The following TNRC6C variants were observed in gnomAD, a reference collection of about 807,000 sequenced individuals.
TNRC6C encodes the protein trinucleotide repeat containing adaptor 6C, also known as trinucleotide repeat-containing gene 6C protein.
TNRC6C carries 20 observed loss-of-function variants against 153.7 expected under a neutral mutation model. The observed-to-expected ratio is 0.13, with a 90% CI of 0.09 to 0.19. The LOEUF (loss-of-function observed/expected upper bound fraction) is 0.19. Among genes scored for constraint, TNRC6C ranks in the 10% least tolerant of loss-of-function variants. The pLI is 1.00. For missense variants in TNRC6C, 1,987 were observed against 2,172.0 expected (o/e 0.91, Z 1.69); for synonymous variants, 811 against 841.4 (o/e 0.96, Z 0.63).
At position 78,051,338 on chromosome 17, in the gene TNRC6C, A is replaced by C. The variant is rs572145233; in HGVS notation, c.2276A>C (p.Asn759Thr). The C allele has an allele frequency of 2.6e-6, 4 of 1,551,524 alleles. No individual in the cohort carries two copies. The East Asian group carries it at 7.3e-5, about 28-fold the overall frequency. Reference sequence around the variant, plus strand: ...GTCATCCAGAGCAGTACCACGACCAATACCACCACCACCACCACCACTACC... The same window carrying C: ...GTCATCCAGAGCAGTACCACGACCACTACCACCACCACCACCACCACTACC... The change falls in exon 3 of 20, where the codon AAT becomes ACT. Residue 759 changes from asparagine (N) to threonine (T), a missense_variant. Around this residue, in one of 4 missense-constraint regions of TNRC6C, gnomAD observed 1,052 missense variants for 1,017.0 expected, o/e 1.03. Coordinates refer to ENST00000301624, the Ensembl canonical transcript of TNRC6C.
chr17:78,054,506 A>G (rs564402842), intron 3 of TNRC6C, among the ~76,000 whole-genome samples: 2 of 152,188 alleles, frequency 1.3e-5, no homozygotes, highest in African/African-American at 4.8e-5. Context: ...ACACCACTGC[A>G]AAGTAGAGTT....
At chr17:77,982,476 A>G (rs989310846) in intron 1 of TNRC6C, among the ~76,000 whole-genome samples, 3 of 152,198 alleles carry the variant, frequency 2.0e-5, no homozygotes, top group Admixed American at 2.0e-4. Flanking sequence ...GAGAAAGGAA[A>G]TAAAATAATA....
At chr17:78,062,930 A>G (rs937742658) in intron 3 of TNRC6C, among the ~76,000 whole-genome samples, 1 of 152,168 alleles carries the variant, frequency 6.6e-6, no homozygotes, top group African/African-American at 2.4e-5. Flanking sequence ...AAGATAAGCT[A>G]GAGAACAGAA....
intron 1 of TNRC6C, among the ~76,000 whole-genome samples, chr17:78,025,084 C>T (rs1056911848): frequency 6.6e-6 from 1 of 152,194 alleles, no homozygotes; most frequent in Non-Finnish European, 1.5e-5. Context: ...AGTCACCGCG[C>T]CCGGCCAATA....
chr17:77,976,058 A>C (rs1381596237), intron 1 of TNRC6C, among the ~76,000 whole-genome samples: 2 of 152,220 alleles, frequency 1.3e-5, no homozygotes, highest in African/African-American at 4.8e-5. Flanking sequence ...CAGCTAGAAG[A>C]AATGAATAAT....
chr17:77,988,269 C>G (rs2143044007), intron 1 of TNRC6C, among the ~76,000 whole-genome samples: 1 of 152,214 alleles, frequency 6.6e-6, no homozygotes, highest in South Asian at 2.1e-4. Context: ...GTCCCAGCTA[C>G]TCAGGAGGCT....
At chr17:78,039,941 AT>A (rs1480130534) in intron 2 of TNRC6C, among the ~76,000 whole-genome samples, 1 of 152,166 alleles carries the variant, frequency 6.6e-6, no homozygotes, top group Non-Finnish European at 1.5e-5. Flanking sequence ...AAGAACTTTT[AT>A]TCCTTCCCCC....
chr17:78,046,616 G>A (rs1298729718), intron 2 of TNRC6C, among the ~76,000 whole-genome samples: 2 of 152,130 alleles, frequency 1.3e-5, no homozygotes, highest in African/African-American at 4.8e-5. Flanking sequence ...TTTATCACCT[G>A]TTTATGTCTT....
chr17:78,093,883 C>A, intron 16 of TNRC6C, 120 bp downstream of exon 18: 1 of 1,204,274 alleles, frequency 8.3e-7, no homozygotes, highest in Non-Finnish European at 1.1e-6. Context: ...TGGCGGGCAC[C>A]TTTTCTAGTC....
upstream of TNRC6C, among the ~76,000 whole-genome samples, chr17:78,003,964 T>G (rs2071454640): frequency 6.6e-6 from 1 of 152,218 alleles, no homozygotes; most frequent in African/African-American, 2.4e-5. Context: ...CAATGTGGAC[T>G]GAATGAATGA....
intron 1 of TNRC6C, among the ~76,000 whole-genome samples, chr17:77,985,094 AAGAC>A (rs1257438748): frequency 7.2e-5 from 11 of 152,228 alleles, no homozygotes; most frequent in Admixed American, 3.9e-4. Flanking sequence ...CCAGTTAAAT[AAGAC>A]AGGTGTATTC....
exon 3 of TNRC6C, chr17:78,050,633 G>A (rs1196964559): frequency 1.3e-6 from 2 of 1,571,232 alleles, no homozygotes; most frequent in Non-Finnish European, 1.7e-6. Flanking sequence ...ACAGGTTGGG[G>A]AGACAGCAAC....
intron 16 of TNRC6C, 109 bp downstream of exon 18, chr17:78,093,872 T>C: frequency 1.4e-6 from 2 of 1,383,234 alleles, no homozygotes; most frequent in Non-Finnish European, 1.9e-6. Context: ...CAAGGCACAG[T>C]TGGCGGGCAC....
At chr17:78,090,264 C>T (rs78542065) in intron 13 of TNRC6C, among the ~76,000 whole-genome samples, 12,280 of 152,242 alleles carry the variant, frequency 0.081, 571 homozygotes, top group East Asian at 0.18. Context: ...GCCCCAGTAG[C>T]ACCTGTTTAT....
upstream of TNRC6C, among the ~76,000 whole-genome samples, chr17:78,003,714 TG>T (rs1452006472): frequency 6.6e-6 from 1 of 152,002 alleles, no homozygotes; most frequent in African/African-American, 2.4e-5. Flanking sequence ...GCACAAATAA[TG>T]GGGGAGAAAA....
chr17:77,968,372 T>C (rs903594011), intron 1 of TNRC6C, among the ~76,000 whole-genome samples: 1 of 151,310 alleles, frequency 6.6e-6, no homozygotes, highest in Non-Finnish European at 1.5e-5. Context: ...GACGTAGTCT[T>C]GTTCTGTCGC....
chr17:77,994,528 A>C (rs890596882), intron 1 of TNRC6C, among the ~76,000 whole-genome samples: 1 of 152,238 alleles, frequency 6.6e-6, no homozygotes, highest in African/African-American at 2.4e-5. Flanking sequence ...AAAACCTTTG[A>C]ATAGAAAGCC....
intron 2 of TNRC6C, among the ~76,000 whole-genome samples, chr17:78,039,118 C>T (rs576403022): frequency 1.3e-5 from 2 of 152,178 alleles, no homozygotes; most frequent in Admixed American, 1.3e-4. Context: ...TGGAACGTGT[C>T]GAGAGGCAGT....
At chr17:77,969,441 G>A (rs577813817) in intron 1 of TNRC6C, among the ~76,000 whole-genome samples, 17 of 152,026 alleles carry the variant, frequency 1.1e-4, no homozygotes, top group Non-Finnish European at 1.8e-4. Context: ...GTAGAGACGG[G>A]GTTTCACCAT....
Sources: allele counts gnomAD v4.1 joint callset (sites outside exome capture counted in the v4.1 genomes callset), GRCh38; gene constraint gnomAD v4.1.1; regional missense constraint gnomAD v4.1.1; transcripts MANE v1.5; gene names NCBI Gene and HGNC (gene_info 2026-07-23, HGNC 2026-07-21).